Variants in USP8 observed in about 807,000 individuals in gnomAD.
USP8 encodes the protein ubiquitin carboxyl-terminal hydrolase 8.
A neutral mutation model predicts 130.0 loss-of-function variants in USP8; 27 were observed. That is an observed-to-expected ratio of 0.21 (90% CI 0.15 to 0.29). The LOEUF is 0.29. USP8 is among the 10% of genes least tolerant of loss of function. The pLI, the probability that USP8 is intolerant of heterozygous loss-of-function variation, is 1.00. For synonymous variants in USP8, 392 were observed against 444.1 expected, an observed-to-expected ratio of 0.88 and a Z score of 1.48; for missense variants, 1,029 against 1,312.2, an observed-to-expected ratio of 0.78 and a Z score of 3.33.
intron 12 of USP8, among the ~76,000 whole-genome samples, chr15:50,486,627 C>A (rs1362495728): frequency 6.6e-6 from 1 of 152,182 alleles, no homozygotes; most frequent in Admixed American, 6.5e-5. Context: ...AAAAAAAGTT[C>A]ATTAACTACA....
At chr15:50,458,887 C>A in intron 4 of USP8, 113 bp from the exon 5 acceptor site, 1 of 1,250,136 alleles carries the variant, frequency 8.0e-7, no homozygotes, top group Non-Finnish European at 1.1e-6. Context: ...AGGGAGAAAG[C>A]ATATAGCCAT....
intron 7 of USP8, among the ~76,000 whole-genome samples, chr15:50,467,530 T>G (rs2051231796): frequency 6.6e-6 from 1 of 152,162 alleles, no homozygotes; most frequent in African/African-American, 2.4e-5. Flanking sequence ...TAGCTGATAG[T>G]GATTACTGTA....
Position 50,493,442 on chromosome 15 carries a change from A to G in USP8, c.2447+529A>G, listed in dbSNP as rs753371456. 7.3e-5 allele frequency: 38 copies of G among 518,970 alleles called. No individual in the cohort carries two copies. The East Asian group carries it at 1.7e-3, about 24-fold the overall frequency. The allele number at this position is 518,970 out of a possible 1,614,324, so 32.1% of individuals were successfully genotyped here. A position where few individuals can be genotyped will look rare whatever the true frequency, so the allele number is the denominator to read the frequency against. The stretch of plus-strand genomic sequence containing the variant: ...CAGAAAAGTCAAATTAGGAAAGGGG[A>G]AAATATCTTTATCCTTAGGAATAAT... On this transcript the variant is annotated intron_variant, in intron 15 of 19. Coordinates refer to ENST00000307179, the MANE Select transcript of USP8 (RefSeq NM_005154.5).
chr15:50,455,924 A>G (rs1212682770), intron 4 of USP8, among the ~76,000 whole-genome samples: 1 of 152,336 alleles, frequency 6.6e-6, no homozygotes, highest in Middle Eastern at 3.4e-3. Flanking sequence ...AGCTGTTTTC[A>G]GCAGTAAGGC....
intron 6 of USP8, among the ~76,000 whole-genome samples, chr15:50,463,105 TG>T (rs2141282736): frequency 6.6e-6 from 1 of 152,106 alleles, no homozygotes; most frequent in East Asian, 1.9e-4. Context: ...AAAAATTAGC[TG>T]GGTGTGGTGG....
chr15:50,501,197 C>T lies in USP8; in HGVS notation c.*2109C>T, dbSNP rs564698489. The T allele has an allele frequency of 1.2e-4, 25 of 203,568 alleles. No homozygotes were observed. The highest frequency in any genetic ancestry group is 2.0e-3 in the Middle Eastern group (1 of 488). The allele number at this position is 203,568 out of a possible 1,614,324, so 12.6% of individuals were successfully genotyped here. ...AATTCAGGCCGGGCACAGTGGCTCA[C>T]ACCTGTAATCCCAACACTCTGGGAG... On this transcript the variant is annotated 3_prime_UTR_variant, in exon 20 of 20. Coordinates refer to ENST00000307179, the MANE Select transcript of USP8 (RefSeq NM_005154.5).
intron 7 of USP8, 93 bp from the exon 8 acceptor site, chr15:50,471,540 G>A (rs2051376496): frequency 4.2e-6 from 6 of 1,414,538 alleles, no homozygotes; most frequent in South Asian, 1.4e-5. Context: ...CTATGGTGTG[G>A]TAAAGACTGT....
chr15:50,468,859 T>A (rs1250677632), intron 7 of USP8, among the ~76,000 whole-genome samples: 3 of 152,116 alleles, frequency 2.0e-5, no homozygotes, highest in African/African-American at 7.2e-5. Context: ...GAATTTTCAT[T>A]AACTGAATGC....
intron 3 of USP8, among the ~76,000 whole-genome samples, chr15:50,442,358 G>T (rs1357800770): frequency 6.6e-6 from 1 of 152,172 alleles, no homozygotes; most frequent in African/African-American, 2.4e-5. Flanking sequence ...CATGGATAGG[G>T]AGGGCAGGGG....
intron 1 of USP8, among the ~76,000 whole-genome samples, chr15:50,430,271 G>T (rs4775885): frequency 0.15 from 22,150 of 152,068 alleles, 2,036 homozygotes; most frequent in Middle Eastern, 0.28. Context: ...CGCTTGAACC[G>T]GGGAGGTGGA....
chr15:50,468,985 A>T (rs2051289025), intron 7 of USP8, among the ~76,000 whole-genome samples: 2 of 152,064 alleles, frequency 1.3e-5, no homozygotes, highest in East Asian at 1.9e-4. Context: ...CCAGTTTCTG[A>T]CAGAATATAT....
At chr15:50,486,865 G>A (rs1474245534) in intron 12 of USP8, among the ~76,000 whole-genome samples, 2 of 152,102 alleles carry the variant, frequency 1.3e-5, no homozygotes, top group Non-Finnish European at 2.9e-5. Context: ...GGGTGCGGTG[G>A]TTCACACCTG....
intron 17 of USP8, among the ~76,000 whole-genome samples, chr15:50,496,311 C>A (rs1435807122): frequency 1.3e-5 from 2 of 152,070 alleles, no homozygotes; most frequent in East Asian, 1.9e-4. Context: ...GAAACCCCAT[C>A]TCTACTAAAA....
intron 1 of USP8, among the ~76,000 whole-genome samples, chr15:50,435,399 G>A (rs2050064833): frequency 6.6e-6 from 1 of 152,114 alleles, no homozygotes; most frequent in Non-Finnish European, 1.5e-5. Flanking sequence ...GGTATTATAA[G>A]TAATCTTGAG....
chr15:50,448,077 T>G (rs1352929451), intron 3 of USP8, among the ~76,000 whole-genome samples: 1 of 152,136 alleles, frequency 6.6e-6, no homozygotes, highest in Non-Finnish European at 1.5e-5. Flanking sequence ...TTACAGAAGT[T>G]ATGTTTGTTT....
At chr15:50,450,447 T>C (rs1177064239) in intron 4 of USP8, among the ~76,000 whole-genome samples, 1 of 150,238 alleles carries the variant, frequency 6.7e-6, no homozygotes, top group Non-Finnish European at 1.5e-5. Context: ...TTTCAGTTTT[T>C]AGTCGTTAGT....
At chr15:50,424,647 T>C (rs1001492047) in intron 1 of USP8, 133 bp downstream of exon 1, 1 of 396,318 alleles carries the variant, frequency 2.5e-6, no homozygotes, top group Non-Finnish European at 4.4e-6. Context: ...GTGGGACAAC[T>C]CCTAAAGGTA....
Position 50,472,825 on chromosome 15 carries a change from G to A in USP8, c.849+1030G>A, listed in dbSNP as rs546881601. Among the ~76,000 whole-genome samples, 11 of 152,114 alleles carry A rather than the reference G, an allele frequency of 7.2e-5. No individual in the cohort carries two copies. The South Asian group carries it at 1.2e-3, about 17-fold the overall frequency. The stretch of plus-strand genomic sequence containing the variant: ...CTCAGAAGGCTGAGGTAGGAGAATC[G>A]ATTGAACCCGGGAGGTGGAGGTTGC... On this transcript the variant is annotated intron_variant, in intron 8 of 19. Transcript: ENST00000307179.
At chr15:50,456,532 C>T (rs147196770) in intron 4 of USP8, among the ~76,000 whole-genome samples, 2 of 151,004 alleles carry the variant, frequency 1.3e-5, no homozygotes, top group African/African-American at 4.9e-5. Context: ...CGAGATCCCA[C>T]CACTGCTCTC....
Sources: allele counts gnomAD v4.1 joint callset (sites outside exome capture counted in the v4.1 genomes callset), GRCh38; gene constraint gnomAD v4.1.1; transcripts MANE v1.5; gene names NCBI Gene and HGNC (gene_info 2026-07-23, HGNC 2026-07-21).